The following PXK variants were observed in gnomAD, a reference collection of about 807,000 sequenced individuals.
PXK encodes the protein PX domain containing serine/threonine kinase like, also known as PX domain-containing protein kinase-like protein.
A neutral mutation model predicts 84.7 loss-of-function variants in PXK; 35 were observed. That is an observed-to-expected ratio of 0.41 (90% CI 0.32 to 0.55). The LOEUF is 0.55. Among genes scored for constraint, PXK ranks in the 20% least tolerant of loss-of-function variants. PXK has a pLI of 0.21. For synonymous variants in PXK, 253 were observed against 260.8 expected (o/e 0.97, Z 0.29); for missense variants, 634 against 699.7 (o/e 0.91, Z 1.06).
chr3:58,372,458 G>T (rs2108562148), intron 3 of PXK, among the ~76,000 whole-genome samples: 1 of 152,130 alleles, frequency 6.6e-6, no homozygotes, highest in East Asian at 1.9e-4. Flanking sequence ...GAGTAGCTGG[G>T]ACTACAGGCG....
At chr3:58,362,192 A>G (rs969921607) in intron 1 of PXK, among the ~76,000 whole-genome samples, 5 of 152,194 alleles carry the variant, frequency 3.3e-5, no homozygotes, top group East Asian at 1.9e-4. Context: ...TTGTTCTTTC[A>G]TAGAAAAATG....
chr3:58,374,423 C>T (rs1212859694), intron 3 of PXK, among the ~76,000 whole-genome samples: 2 of 152,138 alleles, frequency 1.3e-5, no homozygotes, highest in Admixed American at 6.5e-5. Flanking sequence ...ATCCACCCAC[C>T]TCAGCCTCCC....
rs9878019 is a variant in PXK, at chr3:58,422,250, C to A, written c.1529-2502C>A. 1.5e-3 allele frequency: 1,526 copies of A among 985,412 alleles called. 21 individuals are homozygous for A. The African/African-American group carries it at 0.025, about 16-fold the overall frequency. The allele number at this position is 985,412 out of a possible 1,614,324, so 61.0% of individuals were successfully genotyped here. A position where few individuals can be genotyped will look rare whatever the true frequency, so the allele number is the denominator to read the frequency against. Reference sequence around the variant, plus strand: ...GTGTTCCTGCCTCCTCCAGTTTCCACCTTCTGACCCCTAGACCTCCTCTCC... The same window carrying A: ...GTGTTCCTGCCTCCTCCAGTTTCCAACTTCTGACCCCTAGACCTCCTCTCC... On this transcript the variant is annotated intron_variant, in intron 17 of 17. Coordinates refer to ENST00000356151, the MANE Select transcript of PXK (RefSeq NM_017771.5).
rs541755005 is a variant in PXK at position 58,407,852 on chromosome 3, C to T, written c.1231-1072C>T. On this transcript the variant is annotated intron_variant, in intron 13 of 17. Coordinates refer to ENST00000356151, the MANE Select transcript of PXK (RefSeq NM_017771.5). The surrounding 1 kb of genome is among the most constrained non-coding windows in gnomAD (Gnocchi z 4.3). ...GATTACAGGCGTGAGCCACCTTGCC[C>T]GGCTGCACCAAAGTTTTAAATTTTG... Among the ~76,000 whole-genome samples, 13 of 152,324 alleles carry T rather than the reference C, an allele frequency of 8.5e-5. No homozygotes were observed. The South Asian group carries it at 1.7e-3, about 19-fold the overall frequency.
Position 58,397,125 on chromosome 3 carries a change from G to A in PXK, c.909G>A (p.Leu303=), listed in dbSNP as rs1324267940. 44 of 1,614,056 alleles carry A rather than the reference G, an allele frequency of 2.7e-5. No individual in the cohort carries two copies. Among genetic ancestry groups the A allele is most frequent in the Non-Finnish European group, 3.6e-5 (43 of 1,180,034 alleles). ...TGCTCGATGGGGACACTTGCCGGCT[G>A]CTGGACCTTGAGAATTCCTTATTGG... ...NVMLDGDTCR[L]LDLENSLLGL... Residue 303 remains leucine, a synonymous_variant, in exon 10 of 18, where the codon CTG becomes CTA. Transcript: ENST00000356151. This position sits in a 1 kb window ranked among gnomAD's most constrained non-coding sequence, Gnocchi z 4.7.
chr3:58,343,087 G>C (rs1375023738), intron 1 of PXK, among the ~76,000 whole-genome samples: 3 of 152,230 alleles, frequency 2.0e-5, no homozygotes, highest in Non-Finnish European at 4.4e-5. Context: ...TGAATGGAGT[G>C]TTGGTATGGG....
intron 2 of PXK, among the ~76,000 whole-genome samples, chr3:58,366,623 C>A (rs114329218): frequency 3.9e-5 from 6 of 152,162 alleles, no homozygotes; most frequent in African/African-American, 7.2e-5. Flanking sequence ...CAAACTTTAA[C>A]CTTCTACCTT....
chr3:58,351,431 G>A (rs2097923029), intron 1 of PXK, among the ~76,000 whole-genome samples: 2 of 142,788 alleles, frequency 1.4e-5, no homozygotes, highest in African/African-American at 5.4e-5. Context: ...GTGTGTGTGT[G>A]TGTATTTTTT....
intron 1 of PXK, among the ~76,000 whole-genome samples, chr3:58,360,568 G>A (rs1309680873): frequency 1.3e-5 from 2 of 152,064 alleles, no homozygotes; most frequent in African/African-American, 4.8e-5. Flanking sequence ...GGGCACAGTG[G>A]CTCATACCTA....
intron 1 of PXK, among the ~76,000 whole-genome samples, chr3:58,347,276 A>G (rs534136929): frequency 1.9e-4 from 29 of 152,328 alleles, no homozygotes; most frequent in African/African-American, 6.0e-4. Context: ...TAAAATTTAC[A>G]TACAATGAAA....
At position 58,409,107 on chromosome 3, in the gene PXK, A is replaced by G. The variant is rs1206560648; in HGVS notation, c.1308+106A>G. ...TTCCCTCTGCAAATATTTTAAGCATACTTACTCTCAGCCAGCCTTTAGGCT... is the reference window on the plus strand; with the variant it reads ...TTCCCTCTGCAAATATTTTAAGCATGCTTACTCTCAGCCAGCCTTTAGGCT... On this transcript the variant is annotated intron_variant, in intron 14 of 17. Transcript: ENST00000356151. The surrounding 1 kb of genome is among the most constrained non-coding windows in gnomAD (Gnocchi z 4.2). The G allele has an allele frequency of 1.3e-5, 11 of 860,076 alleles. No individual in the cohort carries two copies. Among genetic ancestry groups the G allele is most frequent in the East Asian group, 1.0e-4 (4 of 38,560 alleles). 53.3% of individuals were successfully genotyped at this position (860,076 alleles called of 1,614,324 possible). A position where few individuals can be genotyped will look rare whatever the true frequency, so the allele number is the denominator to read the frequency against.
At chr3:58,392,635 A>G (rs1183175707) in intron 7 of PXK, among the ~76,000 whole-genome samples, 1 of 151,164 alleles carries the variant, frequency 6.6e-6, no homozygotes, top group Non-Finnish European at 1.5e-5. Context: ...GTTGTGTGAC[A>G]TAGGCTGTCA....
At chr3:58,349,334 T>C (rs1158312636) in intron 1 of PXK, among the ~76,000 whole-genome samples, 1 of 151,588 alleles carries the variant, frequency 6.6e-6, no homozygotes, top group East Asian at 1.9e-4. Context: ...CTATGTTTAG[T>C]ATGCTTTCAT....
rs143296252 is a variant in PXK, at chr3:58,341,935, C to T, written c.102+8845C>T. Among the ~76,000 whole-genome samples, 410 of 152,184 alleles carry T rather than the reference C, an allele frequency of 2.7e-3. 1 individual carries two copies. The highest frequency in any genetic ancestry group is 9.5e-3 in the African/African-American group (396 of 41,516). ...GCCAGGCTGGTCTCAAACTCCTGAC[C>T]TCAGGTGATCTGGCTGCCTCAGCCT... On this transcript the variant is annotated intron_variant, in intron 1 of 17. Coordinates refer to ENST00000356151, the MANE Select transcript of PXK (RefSeq NM_017771.5).
At chr3:58,369,147 G>C (rs1455235506) in intron 2 of PXK, among the ~76,000 whole-genome samples, 2 of 152,158 alleles carry the variant, frequency 1.3e-5, no homozygotes, top group Non-Finnish European at 2.9e-5. Context: ...CAATTGAAGG[G>C]CTGTTTGCCC....
At chr3:58,417,304 G>A (rs2061127258) in intron 17 of PXK, among the ~76,000 whole-genome samples, 1 of 152,264 alleles carries the variant, frequency 6.6e-6, no homozygotes, top group Admixed American at 6.5e-5. Context: ...CAATAGATGA[G>A]CTTAGGTAAG....
At chr3:58,365,846 G>T (rs371188439) in intron 1 of PXK, 28 bp from the exon 2 acceptor site, 9 of 1,490,078 alleles carry the variant, frequency 6.0e-6, no homozygotes, top group Non-Finnish European at 8.1e-6. Flanking sequence ...TTTTATAACT[G>T]AGGTTATTCT....
At chr3:58,413,784 A>G (rs12487420) in intron 17 of PXK, 45,093 of 152,106 alleles carry the variant, frequency 0.3, 7,442 homozygotes, top group Middle Eastern at 0.39. Flanking sequence ...GGTTCCTACA[A>G]GCTGTGTGAA....
chr3:58,408,414 T>A (rs1305609664), intron 13 of PXK, among the ~76,000 whole-genome samples: 1 of 152,246 alleles, frequency 6.6e-6, no homozygotes, highest in African/African-American at 2.4e-5. Context: ...TGTTTTAGTT[T>A]TATGTGTTCA....
Sources: gnomAD v4.1 joint callset for allele counts (sites outside exome capture counted in the v4.1 genomes callset) on GRCh38, gnomAD v4.1.1 for gene constraint, Gnocchi (gnomAD v3.1) non-coding constraint, MANE v1.5 for transcripts, NCBI Gene and HGNC (gene_info 2026-07-23, HGNC 2026-07-21) for gene names.